Variants in RNF130 observed in about 807,000 individuals in gnomAD.
RNF130 encodes ring finger protein 130.
Under a neutral mutation model 44.6 loss-of-function variants are expected in RNF130, and 21 were observed. The ratio of observed to expected loss-of-function variants is 0.47; its 90% confidence interval spans 0.33 to 0.68. RNF130 has a LOEUF of 0.68. RNF130 is among the 30% of genes least tolerant of loss of function. The pLI is 0.02. For missense variants in RNF130, 479 were observed against 560.6 expected (o/e 0.85, Z 1.47); for synonymous variants, 214 against 210.4 (o/e 1.02, Z -0.15).
intron 1 of RNF130, among the ~76,000 whole-genome samples, chr5:180,066,235 A>G (rs1291072086): frequency 2.0e-5 from 3 of 152,188 alleles, no homozygotes; most frequent in Non-Finnish European, 4.4e-5. Context: ...ATAGTGAATA[A>G]GTCTCACCAG....
At position 180,048,063 on chromosome 5, in the gene RNF130, T is replaced by A. The variant is rs183084781; in HGVS notation, c.248-7416A>T. 6.7e-3 allele frequency among the ~76,000 whole-genome samples: 1,021 copies of A among 152,170 alleles called. 2 individuals are homozygous for A. The highest frequency in any genetic ancestry group is 0.014 in the South Asian group (65 of 4,814). On this transcript the variant is annotated intron_variant, in intron 1 of 8. Transcript: ENST00000521389. ...CATCTCATGCTGAGCAGCCCTCTTC[T>A]GAGAAATTATTTTTCATTTTTACTT...
intron 2 of RNF130, 71 bp from the exon 3 acceptor site, chr5:180,013,382 G>T: frequency 2.3e-6 from 3 of 1,325,760 alleles, no homozygotes; most frequent in Non-Finnish European, 3.1e-6. Flanking sequence ...GTATCAACAC[G>T]CTACTTAGGT....
intron 8 of RNF130, among the ~76,000 whole-genome samples, chr5:179,960,177 G>C (rs1245589063): frequency 6.6e-6 from 1 of 152,106 alleles, no homozygotes; most frequent in Non-Finnish European, 1.5e-5. Context: ...GACCTCTTTT[G>C]GGAATTGAAA....
chr5:179,913,750 G>A (rs1722744193), exon 8 of RNF130: 1 of 152,254 alleles, frequency 6.6e-6, no homozygotes, highest in African/African-American at 2.4e-5. Context: ...GTGGCTACAG[G>A]GGGCCTCCTG....
At chr5:180,046,242 G>A (rs934181516) in intron 1 of RNF130, among the ~76,000 whole-genome samples, 3 of 152,130 alleles carry the variant, frequency 2.0e-5, no homozygotes, top group Non-Finnish European at 2.9e-5. Flanking sequence ...TCACACCCAC[G>A]CAGAACTCCA....
intron 7 of RNF130, among the ~76,000 whole-genome samples, chr5:179,928,008 G>A (rs1022935422): frequency 3.9e-5 from 6 of 152,050 alleles, no homozygotes; most frequent in Admixed American, 1.3e-4. Flanking sequence ...TCCGCCTCAG[G>A]GAATATAGCA....
intron 1 of RNF130, among the ~76,000 whole-genome samples, chr5:180,067,906 A>G (rs1765143674): frequency 6.6e-6 from 1 of 152,238 alleles, no homozygotes; most frequent in Non-Finnish European, 1.5e-5. Context: ...TTTCAGATTC[A>G]TTAAAGGAAC....
At chr5:179,925,308 C>T (rs1038295828) in intron 7 of RNF130, among the ~76,000 whole-genome samples, 6 of 152,046 alleles carry the variant, frequency 3.9e-5, no homozygotes, top group East Asian at 1.9e-4. Context: ...GTCATGCCCA[C>T]GTAATGAAGC....
intron 8 of RNF130, among the ~76,000 whole-genome samples, chr5:179,958,011 G>A (rs991834546): frequency 6.6e-5 from 10 of 150,976 alleles, no homozygotes; most frequent in Admixed American, 2.0e-4. Flanking sequence ...CCAAGTAGCT[G>A]GGACTACAGG....
At position 180,019,309 on chromosome 5, in the gene RNF130, G is replaced by A. The variant is rs180898103; in HGVS notation, c.443-5998C>T. Among the ~76,000 whole-genome samples, 68 of 151,992 alleles carry A rather than the reference G, an allele frequency of 4.5e-4. No individual in the cohort carries two copies. In the East Asian group the frequency reaches 0.01, roughly 23 times the overall value. Reference sequence around the variant, plus strand: ...TGAGGCAGGAGAATGGCATGAACCCGGGAGGCGGAGCTTGCAGTGAGCCGA... The same window carrying A: ...TGAGGCAGGAGAATGGCATGAACCCAGGAGGCGGAGCTTGCAGTGAGCCGA... On this transcript the variant is annotated intron_variant, in intron 2 of 8. Transcript: ENST00000521389.
chr5:179,948,050 T>TA (rs1270925612), intron 7 of RNF130, among the ~76,000 whole-genome samples: 1 of 152,166 alleles, frequency 6.6e-6, no homozygotes, highest in Non-Finnish European at 1.5e-5. Context: ...CTGGAGGGTA[T>TA]AAAGTAGTTG....
At chr5:179,962,210 G>A (rs572431511) in intron 8 of RNF130, among the ~76,000 whole-genome samples, 111 of 152,244 alleles carry the variant, frequency 7.3e-4, no homozygotes, top group Non-Finnish European at 5.3e-4. Flanking sequence ...TGAAGGCTGG[G>A]GAATGCCACC....
At chr5:180,066,004 A>T (rs531405134) in intron 1 of RNF130, among the ~76,000 whole-genome samples, 2 of 152,338 alleles carry the variant, frequency 1.3e-5, no homozygotes, top group East Asian at 3.9e-4. Context: ...AATATCACAA[A>T]CATTAAACAG....
At chr5:180,070,718 T>C (rs930778861) in intron 1 of RNF130, among the ~76,000 whole-genome samples, 7 of 152,204 alleles carry the variant, frequency 4.6e-5, no homozygotes, top group Non-Finnish European at 8.8e-5. Flanking sequence ...AACAAATACA[T>C]GTTTACACCA....
intron 3 of RNF130, among the ~76,000 whole-genome samples, chr5:179,980,995 G>A (rs965042013): frequency 1.3e-5 from 2 of 152,156 alleles, no homozygotes; most frequent in Non-Finnish European, 2.9e-5. Context: ...ACTAGGAGGG[G>A]TGGGGCGAGG....
chr5:179,955,684 G>GA lies in RNF130; in HGVS notation c.1245-16dup. On this transcript the variant is annotated splice_polypyrimidine_tract_variant and intron_variant, in intron 8 of 8. Transcript: ENST00000521389. Reference sequence around the variant, plus strand: ...ACCATTCTACCCTATGGAATAAAAGGAAAAAAGAGGTCATAAATTAAAGAG... The same window carrying GA: ...ACCATTCTACCCTATGGAATAAAAGGAAAAAAAGAGGTCATAAATTAAAGAG... 4 of 1,562,142 alleles carry GA rather than the reference G, an allele frequency of 2.6e-6. No individual in the cohort carries two copies. The highest frequency in any genetic ancestry group is 3.5e-6 in the Non-Finnish European group (4 of 1,151,752).
At chr5:179,943,205 T>A (rs1333205348) in intron 7 of RNF130, among the ~76,000 whole-genome samples, 1 of 152,014 alleles carries the variant, frequency 6.6e-6, no homozygotes, top group Non-Finnish European at 1.5e-5. Context: ...AGAAAAAAAG[T>A]CTTCCTTTGG....
Position 180,042,381 on chromosome 5 carries a change from T to C in RNF130, c.248-1734A>G, listed in dbSNP as rs1276182027. Among the ~76,000 whole-genome samples, 5 of 152,222 alleles carry C rather than the reference T, an allele frequency of 3.3e-5. No homozygotes were observed. The East Asian group carries it at 9.6e-4, about 29-fold the overall frequency. On this transcript the variant is annotated intron_variant, in intron 1 of 8. Transcript: ENST00000521389. Reference sequence around the variant, plus strand: ...ATTGATATTGTATACGACCATTACCTACCCTTTTCCTTAAAAGGTTTCTGC... The same window carrying C: ...ATTGATATTGTATACGACCATTACCCACCCTTTTCCTTAAAAGGTTTCTGC...
At chr5:179,994,543 A>C (rs956442368) in intron 3 of RNF130, among the ~76,000 whole-genome samples, 5 of 151,954 alleles carry the variant, frequency 3.3e-5, no homozygotes, top group Non-Finnish European at 5.9e-5. Context: ...TTTGAGTAGG[A>C]TTGTTTGACT....
Sources: gnomAD v4.1 joint callset for allele counts (sites outside exome capture counted in the v4.1 genomes callset) on GRCh38, gnomAD v4.1.1 for gene constraint, MANE v1.5 for transcripts, NCBI Gene and HGNC (gene_info 2026-07-23, HGNC 2026-07-21) for gene names.